TAS1R1: variants seen among roughly 807,000 people sequenced by gnomAD.
TAS1R1 encodes taste receptor type 1 member 1.
TAS1R1 carries 31 observed loss-of-function variants against 45.8 expected under a neutral mutation model. The ratio of observed to expected loss-of-function variants is 0.68; its 90% CI spans 0.51 to 0.91. TAS1R1 has a LOEUF of 0.91. Among genes scored for constraint, TAS1R1 ranks in the 40% least tolerant of loss-of-function variants. The pLI is 0.00. For missense variants in TAS1R1, 1,051 were observed against 1,063.9 expected (o/e 0.99, Z 0.17); for synonymous variants, 437 against 448.4 (o/e 0.97, Z 0.32).
chr1:6,564,169 T>C (rs1431134805), intron 1 of TAS1R1, among the ~76,000 whole-genome samples: 1 of 152,152 alleles, frequency 6.6e-6, no homozygotes, highest in Non-Finnish European at 1.5e-5. Context: ...CCAAGAAGCA[T>C]GTCCTGAGAG....
chr1:6,565,687 A>T (rs1227587120), intron 1 of TAS1R1, among the ~76,000 whole-genome samples: 1 of 152,148 alleles, frequency 6.6e-6, no homozygotes. Flanking sequence ...ACCTCAGCTC[A>T]CTGCAACCTC....
chr1:6,574,647 G>T lies in TAS1R1; in HGVS notation c.515G>T (p.Ser172Ile), dbSNP rs1406650237. The part of the protein sequence containing the change: ...FLVPMISYAA[S>I]SETLSVKRQY... ...CTCCCATAGATTAGCTATGCGGCCA[G>T]CAGCGAGACGCTCAGCGTGAAGCGG... Residue 172 changes from serine to isoleucine, a missense_variant, in exon 3 of 6, where the codon AGC becomes ATC. By Grantham distance (142) the Ser-to-Ile change is moderately radical. Coordinates refer to ENST00000333172, the MANE Select transcript of TAS1R1 (RefSeq NM_138697.4). This position sits in a 1 kb window ranked among gnomAD's most constrained non-coding sequence, Gnocchi z 4.3. The T allele has an allele frequency of 1.9e-6, 3 of 1,606,466 alleles. No homozygotes were observed. Among genetic ancestry groups the T allele is most frequent in the Non-Finnish European group, 2.6e-6 (3 of 1,175,018 alleles).
intron 5 of TAS1R1, among the ~76,000 whole-genome samples, chr1:6,577,814 GA>G (rs1640223995): frequency 6.6e-6 from 1 of 152,104 alleles, no homozygotes; most frequent in Non-Finnish European, 1.5e-5. Context: ...GGCGACAAGA[GA>G]AAAACTCTGT....
intron 2 of TAS1R1, among the ~76,000 whole-genome samples, chr1:6,571,966 C>T (rs1022520497): frequency 6.6e-6 from 1 of 152,186 alleles, no homozygotes; most frequent in Non-Finnish European, 1.5e-5. Flanking sequence ...TCAGTCCTGT[C>T]TCTGTGCTTA....
intron 1 of TAS1R1, among the ~76,000 whole-genome samples, chr1:6,568,324 G>A (rs1233351311): frequency 6.6e-6 from 1 of 151,906 alleles, no homozygotes; most frequent in South Asian, 2.1e-4. Flanking sequence ...GCGTGGCGGC[G>A]GGTGCCTGTA....
intron 1 of TAS1R1, among the ~76,000 whole-genome samples, chr1:6,556,925 G>A (rs745892374): frequency 1.3e-5 from 2 of 149,726 alleles, no homozygotes; most frequent in African/African-American, 4.9e-5. Flanking sequence ...CAGGAGAATC[G>A]CATGAACCCG....
chr1:6,570,327 T>A (rs1484690148), intron 1 of TAS1R1, among the ~76,000 whole-genome samples: 3 of 151,796 alleles, frequency 2.0e-5, no homozygotes, highest in South Asian at 4.1e-4. Flanking sequence ...CTGGGGAACA[T>A]CTGCCTTGGC....
At chr1:6,565,125 T>C (rs753827606) in intron 1 of TAS1R1, among the ~76,000 whole-genome samples, 1 of 151,934 alleles carries the variant, frequency 6.6e-6, no homozygotes, top group East Asian at 1.9e-4. Context: ...ATGGGAGATA[T>C]TAGGGAAATT....
At chr1:6,570,812 A>C in intron 1 of TAS1R1, 97 bp from the exon 2 acceptor site, 1 of 1,163,834 alleles carries the variant, frequency 8.6e-7, no homozygotes, top group East Asian at 2.4e-5. Context: ...ATGACCTCAA[A>C]GGTTCCCTTT....
intron 1 of TAS1R1, among the ~76,000 whole-genome samples, chr1:6,569,491 T>C (rs1639954197): frequency 6.6e-6 from 1 of 152,178 alleles, no homozygotes; most frequent in Non-Finnish European, 1.5e-5. Flanking sequence ...CAGACAGTAT[T>C]ACAGTAGAAA....
At chr1:6,578,445 G>A (rs530324208) in intron 5 of TAS1R1, among the ~76,000 whole-genome samples, 1 of 152,136 alleles carries the variant, frequency 6.6e-6, no homozygotes, top group East Asian at 1.9e-4. Context: ...ATACAGAACC[G>A]ACCTGTGTGT....
At position 6,570,902 on chromosome 1, in the gene TAS1R1, T is replaced by C; in HGVS notation, c.192-7T>C. The C allele has an allele frequency of 6.3e-7, 1 of 1,586,114 alleles. No homozygotes were observed. Among genetic ancestry groups the C allele is most frequent in the Non-Finnish European group, 8.6e-7 (1 of 1,165,816 alleles). ...TCTCAGCTGTCTCTTACTGGCTTTC[T>C]CCACAGGTCTTGTAGCTTCAATGAG... On this transcript the variant is annotated splice_polypyrimidine_tract_variant and splice_region_variant and intron_variant, in intron 1 of 5. Coordinates refer to ENST00000333172, the MANE Select transcript of TAS1R1 (RefSeq NM_138697.4).
At chr1:6,571,254 G>C in intron 2 of TAS1R1, 39 bp downstream of exon 2, 2 of 1,524,124 alleles carry the variant, frequency 1.3e-6, no homozygotes, top group Non-Finnish European at 1.8e-6. Flanking sequence ...TCTCCCTTCA[G>C]GCAAGTCTGG....
chr1:6,564,216 A>G (rs1223960866), intron 1 of TAS1R1, among the ~76,000 whole-genome samples: 1 of 152,140 alleles, frequency 6.6e-6, no homozygotes, highest in East Asian at 1.9e-4. Flanking sequence ...TGACTTGGAA[A>G]GGGCCTTCCC....
In TAS1R1 at chr1:6,555,573, G is replaced by A. The variant is rs1385349875; in HGVS notation, c.191+9G>A. On this transcript the variant is annotated intron_variant, in intron 1 of 5. Coordinates refer to ENST00000333172, the MANE Select transcript of TAS1R1 (RefSeq NM_138697.4). The stretch of plus-strand genomic sequence containing the variant: ...GTGACCCTGTGTGACAGGTGAGTGA[G>A]GGGCCAGCAGAGCCACACTTAGTGG... The A allele has an allele frequency of 6.5e-7, 1 of 1,541,882 alleles. No individual in the cohort carries two copies.
chr1:6,569,757 T>C (rs892181963), intron 1 of TAS1R1, among the ~76,000 whole-genome samples: 4 of 152,082 alleles, frequency 2.6e-5, no homozygotes, highest in African/African-American at 9.7e-5. Context: ...ACCGGAGGCC[T>C]GGAGGCCAGA....
chr1:6,571,106 A>T lies in TAS1R1; in HGVS notation c.389A>T (p.Gln130Leu). 6.2e-7 allele frequency: 1 copy of T among 1,614,050 alleles called. No individual in the cohort carries two copies. The highest frequency in any genetic ancestry group is 8.5e-7 in the Non-Finnish European group (1 of 1,179,968). The change falls in exon 2 of 6, where the codon CAA (glutamine) becomes CTA (leucine). Residue 130 changes from glutamine (Q) to leucine (L), a missense_variant. By Grantham distance (113) the Gln-to-Leu change is moderately radical. Transcript: ENST00000333172. ...CCAGGGCAACACCACATAGAGCTCC[A>T]AGGAGACCTTCTCCACTATTCCCCT... ...SLPGQHHIEL[Q>L]GDLLHYSPTV...
intron 4 of TAS1R1, 98 bp from the exon 5 acceptor site, chr1:6,576,852 G>A: frequency 6.3e-7 from 1 of 1,579,608 alleles, no homozygotes; most frequent in Middle Eastern, 1.7e-4. Context: ...CTGGGAGTGA[G>A]CCCTGAGGGC....
chr1:6,555,576 G>GC lies in TAS1R1; in HGVS notation c.191+14dup, dbSNP rs1639661479. 6.5e-7 allele frequency: 1 copy of GC among 1,540,756 alleles called. No individual in the cohort carries two copies. Among genetic ancestry groups the GC allele is most frequent in the South Asian group, 1.2e-5 (1 of 83,746 alleles). On this transcript the variant is annotated intron_variant, in intron 1 of 5. Coordinates refer to ENST00000333172, the MANE Select transcript of TAS1R1 (RefSeq NM_138697.4). ...ACCCTGTGTGACAGGTGAGTGAGGG[G>GC]CCAGCAGAGCCACACTTAGTGGGAC...
Sources: allele counts gnomAD v4.1 joint callset (sites outside exome capture counted in the v4.1 genomes callset), GRCh38; gene constraint gnomAD v4.1.1; non-coding constraint Gnocchi (gnomAD v3.1); transcripts MANE v1.5; gene names NCBI Gene and HGNC (gene_info 2026-07-23, HGNC 2026-07-21).